SLC35F3: variants seen among roughly 807,000 people sequenced by gnomAD.
SLC35F3 encodes the protein solute carrier family 35 member F3, also known as putative thiamine transporter SLC35F3.
Under a neutral mutation model 49.9 loss-of-function variants are expected in SLC35F3, and 25 were observed. The ratio of observed to expected loss-of-function variants is 0.50; its 90% CI spans 0.37 to 0.70. The LOEUF is 0.70. Ranked by LOEUF, SLC35F3 falls within the 30% of genes least tolerant of loss-of-function variation. The pLI is 0.00. For missense variants in SLC35F3, 525 were observed against 639.8 expected, an observed-to-expected ratio of 0.82 and a Z score of 1.94; for synonymous variants, 275 against 265.4, an observed-to-expected ratio of 1.04 and a Z score of -0.35.
At chr1:233,927,650 A>G (rs1302294528) in intron 2 of SLC35F3, among the ~76,000 whole-genome samples, 1 of 152,134 alleles carries the variant, frequency 6.6e-6, no homozygotes, top group Non-Finnish European at 1.5e-5. Context: ...ACATTTTTGA[A>G]CACTAAAATA....
chr1:234,266,261 A>C (rs1043724931), intron 3 of SLC35F3, among the ~76,000 whole-genome samples: 1 of 152,234 alleles, frequency 6.6e-6, no homozygotes, highest in Non-Finnish European at 1.5e-5. Flanking sequence ...AATACAGTAG[A>C]AAATGGGCAA....
intron 2 of SLC35F3, among the ~76,000 whole-genome samples, chr1:233,916,719 C>T (rs1326777036): frequency 1.3e-5 from 2 of 152,206 alleles, no homozygotes; most frequent in African/African-American, 2.4e-5. Context: ...TCTCTCAATA[C>T]GTTGGAGAGT....
At chr1:234,264,648 G>A (rs921390309) in intron 3 of SLC35F3, among the ~76,000 whole-genome samples, 2 of 152,174 alleles carry the variant, frequency 1.3e-5, no homozygotes, top group African/African-American at 4.8e-5. Flanking sequence ...CAAACTCTGG[G>A]GCGGAAATGA....
chr1:233,939,753 G>A (rs992079381), intron 2 of SLC35F3, among the ~76,000 whole-genome samples: 13 of 152,182 alleles, frequency 8.5e-5, no homozygotes, highest in Admixed American at 4.6e-4. Flanking sequence ...ACTTACAGAA[G>A]TCAGCGTGAA....
At chr1:234,176,437 C>CA (rs1252498288) in intron 2 of SLC35F3, among the ~76,000 whole-genome samples, 1 of 152,194 alleles carries the variant, frequency 6.6e-6, no homozygotes, top group Non-Finnish European at 1.5e-5. Context: ...TGCAGTAACT[C>CA]ACGCTTGTTC....
chr1:234,249,823 C>G (rs1398642391), intron 3 of SLC35F3, among the ~76,000 whole-genome samples: 1 of 152,218 alleles, frequency 6.6e-6, no homozygotes, highest in Non-Finnish European at 1.5e-5. Context: ...GTGCGTCTAG[C>G]CCTGAGGCTG....
intron 3 of SLC35F3, among the ~76,000 whole-genome samples, chr1:234,283,961 G>A (rs1015299835): frequency 3.3e-5 from 5 of 152,094 alleles, no homozygotes; most frequent in East Asian, 1.9e-4. Flanking sequence ...GCTGGAGTGC[G>A]GTTGTGCAAT....
chr1:234,164,831 G>A (rs185689564), intron 2 of SLC35F3, among the ~76,000 whole-genome samples: 1 of 137,936 alleles, frequency 7.2e-6, no homozygotes, highest in Non-Finnish European at 1.5e-5. Context: ...AAATGATACT[G>A]TGATTTGGGT....
intron 3 of SLC35F3, among the ~76,000 whole-genome samples, chr1:234,254,482 A>G (rs1405404377): frequency 5.3e-5 from 8 of 152,236 alleles, no homozygotes; most frequent in African/African-American, 1.2e-4. Flanking sequence ...AAATAGGGTA[A>G]GGACAATGAA....
In SLC35F3 at chr1:234,257,115, G is replaced by GA. The variant is rs534244381; in HGVS notation, c.608+25375dup. 1.6e-3 allele frequency among the ~76,000 whole-genome samples: 245 copies of GA among 152,340 alleles called. 2 individuals are homozygous for GA. The highest frequency in any genetic ancestry group is 5.3e-3 in the African/African-American group (221 of 41,584). ...TAATGAGGTTAATTTTTTAAACTGA[G>GA]ATAAGTAGGTTGGGGATATAATTTT... is the stretch of plus-strand genomic sequence containing the variant. On this transcript the variant is annotated intron_variant, in intron 3 of 7. Coordinates refer to ENST00000366618, the MANE Select transcript of SLC35F3 (RefSeq NM_173508.4).
At chr1:234,287,252 G>A (rs1422382305) in intron 3 of SLC35F3, among the ~76,000 whole-genome samples, 1 of 152,116 alleles carries the variant, frequency 6.6e-6, no homozygotes, top group Non-Finnish European at 1.5e-5. Context: ...ACAGCAGCCA[G>A]ACACTGCATT....
intron 2 of SLC35F3, among the ~76,000 whole-genome samples, chr1:234,070,128 T>C (rs1664691722): frequency 6.6e-6 from 1 of 152,214 alleles, no homozygotes; most frequent in South Asian, 2.1e-4. Context: ...AAGGCCATCC[T>C]TTCTGCCCAT....
chr1:233,964,816 T>G (rs1662875413), intron 2 of SLC35F3, among the ~76,000 whole-genome samples: 1 of 152,246 alleles, frequency 6.6e-6, no homozygotes, highest in African/African-American at 2.4e-5. Context: ...GTTATCATTG[T>G]CTGCCTGGCC....
chr1:234,278,236 A>G (rs920973723), intron 3 of SLC35F3, among the ~76,000 whole-genome samples: 1 of 152,164 alleles, frequency 6.6e-6, no homozygotes, highest in African/African-American at 2.4e-5. Flanking sequence ...CATGCCTGTA[A>G]TCCCCGCACT....
intron 2 of SLC35F3, among the ~76,000 whole-genome samples, chr1:234,195,893 C>T (rs768829669): frequency 6.6e-6 from 1 of 152,176 alleles, no homozygotes; most frequent in Admixed American, 6.5e-5. Context: ...CTTTCATTCT[C>T]TCTCTTGTCT....
chr1:233,919,328 C>A (rs964015280), intron 2 of SLC35F3, among the ~76,000 whole-genome samples: 1 of 152,166 alleles, frequency 6.6e-6, no homozygotes, highest in African/African-American at 2.4e-5. Context: ...TAGAACTGTG[C>A]CTAGGACAGA....
chr1:234,243,536 G>A (rs1027081794), intron 3 of SLC35F3, among the ~76,000 whole-genome samples: 3 of 152,204 alleles, frequency 2.0e-5, no homozygotes, highest in African/African-American at 7.2e-5. Context: ...AATTCACAAA[G>A]TAGATTGAGG....
chr1:234,130,171 A>G (rs993046806), intron 2 of SLC35F3, among the ~76,000 whole-genome samples: 3 of 152,232 alleles, frequency 2.0e-5, no homozygotes, highest in African/African-American at 7.2e-5. Flanking sequence ...AACAATAGGA[A>G]TTCAAACAAG....
At chr1:234,207,893 T>TA (rs1364422342) in intron 2 of SLC35F3, among the ~76,000 whole-genome samples, 17 of 152,284 alleles carry the variant, frequency 1.1e-4, no homozygotes, top group Admixed American at 5.2e-4. Flanking sequence ...CCTGTAGTCC[T>TA]AGCTGCTCAG....
Sources: allele counts gnomAD v4.1 joint callset (sites outside exome capture counted in the v4.1 genomes callset), GRCh38; gene constraint gnomAD v4.1.1; transcripts MANE v1.5; gene names NCBI Gene and HGNC (gene_info 2026-07-23, HGNC 2026-07-21).